SLC2A9: variants seen among roughly 807,000 people sequenced by gnomAD.
SLC2A9 encodes solute carrier family 2 member 9.
In SLC2A9, 39 loss-of-function variants were observed where a neutral mutation model predicts 50.6. The observed-to-expected ratio is 0.77, with a 90% CI of 0.60 to 1.01. The LOEUF is 1.01. Ranked by LOEUF, SLC2A9 falls within the 50% of genes least tolerant of loss-of-function variation. The probability of loss-of-function intolerance (pLI) is 0.00; values close to 1 mark genes in which losing one functional copy is unlikely to be tolerated. For synonymous variants in SLC2A9, 324 were observed against 276.9 expected (o/e 1.17, Z -1.69); for missense variants, 686 against 677.6 (o/e 1.01, Z -0.14).
chr4:9,774,667 C>T (rs1267472727), intron 1 of SLC2A9, among the ~76,000 whole-genome samples: 2 of 152,076 alleles, frequency 1.3e-5, no homozygotes, highest in Non-Finnish European at 2.9e-5. Context: ...CCATGGTATG[C>T]CTGAATTTTG....
chr4:9,783,447 C>T (rs1226206635), intron 3 of SLC2A9: 6 of 1,608,020 alleles, frequency 3.7e-6, no homozygotes, highest in South Asian at 3.3e-5. Flanking sequence ...CCTTTCACCC[C>T]GAATGGATTC....
chr4:9,837,474 T>C lies in SLC2A9; in HGVS notation c.1292-2466A>G, dbSNP rs141895221. Among the ~76,000 whole-genome samples, 5 of 152,342 alleles carry C rather than the reference T, an allele frequency of 3.3e-5. No homozygotes were observed. The East Asian group carries it at 9.6e-4, about 29-fold the overall frequency. ...TGATGATGTTTCACTTTCTGTGTCT[T>C]TCCTAGGTGTGTTTTTGGAAGCACC... On this transcript the variant is annotated intron_variant, in intron 10 of 11. Coordinates refer to ENST00000264784, the MANE Select transcript of SLC2A9 (RefSeq NM_020041.3).
chr4:9,809,873 C>A (rs544522819), intron 3 of SLC2A9, among the ~76,000 whole-genome samples: 13 of 145,848 alleles, frequency 8.9e-5, no homozygotes, highest in Non-Finnish European at 1.6e-4. Flanking sequence ...TTTTTAAATT[C>A]ATGTGATATA....
rs769470252 is a variant in SLC2A9 at position 9,781,520 on chromosome 4, C to T, written n.386-1455G>A. Among the ~76,000 whole-genome samples the T allele has an allele frequency of 4.0e-4, 61 of 151,640 alleles. 1 individual carries two copies. Among genetic ancestry groups the T allele is most frequent in the Non-Finnish European group, 4.6e-4 (31 of 67,884 alleles). On this transcript the variant is annotated intron_variant and non_coding_transcript_variant, in intron 3 of 3. Coordinates refer to the SLC2A9 transcript ENST00000503803. ...GCGGGATCGCCCCTACACTCTGGCG[C>T]GCTGAGGGCGGTGAGCGAGGGCGCC... is the stretch of plus-strand genomic sequence containing the variant.
rs77554178 is a variant in SLC2A9, at chr4:10,016,212, C to G, written c.249+2763G>C. The stretch of plus-strand genomic sequence containing the variant: ...AAACAAGAAGTCCCATGGCCTAACA[C>G]TGCCTGGCACAGAAAGGATCTGTTT... On this transcript the variant is annotated intron_variant, in intron 2 of 11. Coordinates refer to ENST00000264784, the MANE Select transcript of SLC2A9 (RefSeq NM_020041.3). Among the ~76,000 whole-genome samples, 752 of 152,388 alleles carry G rather than the reference C, an allele frequency of 4.9e-3. 17 individuals are homozygous for G. In the East Asian group the frequency reaches 0.071, roughly 14 times the overall value.
At chr4:9,777,560 C>T (rs1192750740), downstream of SLC2A9, among the ~76,000 whole-genome samples, 1 of 137,406 alleles carries the variant, frequency 7.3e-6, no homozygotes, top group Non-Finnish European at 1.6e-5. Flanking sequence ...CAGTGTGTGG[C>T]CAGCGTCTGT....
At chr4:9,822,325 C>T (rs1467914361), downstream of SLC2A9, among the ~76,000 whole-genome samples, 1 of 151,612 alleles carries the variant, frequency 6.6e-6, no homozygotes, top group African/African-American at 2.4e-5. Context: ...TATTTTCTTC[C>T]CTGTGTTTGC....
chr4:9,772,968 G>T (rs1450521833), intron 1 of SLC2A9, among the ~76,000 whole-genome samples: 2 of 152,188 alleles, frequency 1.3e-5, no homozygotes, highest in Non-Finnish European at 1.5e-5. Context: ...GCTTAGAGAG[G>T]TTACGTCACT....
chr4:9,966,506 A>G (rs1273305374), intron 5 of SLC2A9, among the ~76,000 whole-genome samples: 1 of 152,010 alleles, frequency 6.6e-6, no homozygotes, highest in African/African-American at 2.4e-5. Context: ...AAATACAAAA[A>G]TTAGCCAGGT....
chr4:9,908,625 C>T (rs1018898617), intron 7 of SLC2A9, among the ~76,000 whole-genome samples: 1 of 151,826 alleles, frequency 6.6e-6, no homozygotes, highest in Non-Finnish European at 1.5e-5. Flanking sequence ...CATATGTATA[C>T]ATGTGCCATG....
chr4:9,905,980 T>A (rs4389579), intron 8 of SLC2A9, among the ~76,000 whole-genome samples: 1 of 152,022 alleles, frequency 6.6e-6, no homozygotes, highest in African/African-American at 2.4e-5. Flanking sequence ...CCCTGTAAAA[T>A]CCTGCTCTCC....
intron 3 of SLC2A9, among the ~76,000 whole-genome samples, chr4:9,811,095 C>A (rs908658584): frequency 5.3e-5 from 8 of 152,118 alleles, no homozygotes; most frequent in Non-Finnish European, 1.2e-4. Flanking sequence ...GAGCACATGA[C>A]CAAGCTGGCC....
chr4:9,868,921 G>T (rs886553272), intron 10 of SLC2A9, among the ~76,000 whole-genome samples: 6 of 152,152 alleles, frequency 3.9e-5, no homozygotes, highest in Non-Finnish European at 8.8e-5. Flanking sequence ...CAAAGGCATG[G>T]GTTCTGATTC....
intron 5 of SLC2A9, among the ~76,000 whole-genome samples, chr4:9,979,442 G>C (rs1755336461): frequency 1.3e-5 from 2 of 152,092 alleles, no homozygotes; most frequent in South Asian, 4.1e-4. Context: ...CATCATTAGT[G>C]GTTTAATCTC....
intron 10 of SLC2A9, among the ~76,000 whole-genome samples, chr4:9,840,133 A>C (rs1727811334): frequency 6.6e-6 from 1 of 152,194 alleles, no homozygotes; most frequent in Non-Finnish European, 1.5e-5. Flanking sequence ...GTAAGCTGCA[A>C]ACTCAGTGAC....
At chr4:10,015,556 T>C (rs1477298174) in intron 2 of SLC2A9, among the ~76,000 whole-genome samples, 1 of 152,142 alleles carries the variant, frequency 6.6e-6, no homozygotes, top group African/African-American at 2.4e-5. Context: ...AACCCCGATG[T>C]GATGGTATTT....
chr4:9,869,547 G>A (rs989218652), intron 10 of SLC2A9, among the ~76,000 whole-genome samples: 9 of 152,094 alleles, frequency 5.9e-5, no homozygotes, highest in East Asian at 3.8e-4. Flanking sequence ...GCTAGACCAC[G>A]GCCAACCATT....
intron 3 of SLC2A9, among the ~76,000 whole-genome samples, chr4:9,814,483 T>C (rs1560144289): frequency 6.6e-6 from 1 of 152,190 alleles, no homozygotes; most frequent in Non-Finnish European, 1.5e-5. Context: ...TAGCCATCTA[T>C]TGCTGTTTAA....
chr4:9,772,861 T>C (rs1717029193), intron 1 of SLC2A9, among the ~76,000 whole-genome samples: 1 of 151,686 alleles, frequency 6.6e-6, no homozygotes. Flanking sequence ...TTAGGGTACA[T>C]GTGCACATTG....
Sources: allele counts gnomAD v4.1 joint callset (sites outside exome capture counted in the v4.1 genomes callset), GRCh38; gene constraint gnomAD v4.1.1; transcripts MANE v1.5; gene names NCBI Gene and HGNC (gene_info 2026-07-23, HGNC 2026-07-21).